Variants in ACVR2B observed in about 807,000 individuals in gnomAD.
ACVR2B encodes activin receptor type-2B.
Under a neutral mutation model 65.1 loss-of-function variants are expected in ACVR2B, and 18 were observed. The observed-to-expected ratio is 0.28, with a 90% CI of 0.19 to 0.41. The LOEUF is 0.41. Among genes scored for constraint, ACVR2B ranks in the 10% least tolerant of loss-of-function variants. The pLI, the probability that ACVR2B is intolerant of heterozygous loss-of-function variation, is 1.00. For synonymous variants in ACVR2B, 298 were observed against 277.7 expected, an observed-to-expected ratio of 1.07 and a Z score of -0.73; for missense variants, 482 against 682.7, an observed-to-expected ratio of 0.71 and a Z score of 3.28.
chr3:38,458,291 C>T (rs528977297), intron 1 of ACVR2B, among the ~76,000 whole-genome samples: 2 of 152,158 alleles, frequency 1.3e-5, no homozygotes, highest in East Asian at 1.9e-4. Context: ...ATGTCATAGA[C>T]CCCTCTGAGA....
At chr3:38,479,458 C>G (rs535131044) in intron 6 of ACVR2B, among the ~76,000 whole-genome samples, 187 bp downstream of exon 6, 1 of 152,310 alleles carries the variant, frequency 6.6e-6, no homozygotes, top group East Asian at 1.9e-4. Context: ...ATAGGAACCT[C>G]TCACCCTGGG....
In ACVR2B at chr3:38,490,766, AC is replaced by A. The variant is rs2059804435; in HGVS notation, c.*7437del. ...AGACTTTTAACGTACACATGCAGGA[AC>A]CCTGCTGAGCGTGGGCACTTGTTTT... On this transcript the variant is annotated 3_prime_UTR_variant, in exon 11 of 11. Transcript: ENST00000352511. 1 of 152,600 alleles carries A rather than the reference AC, an allele frequency of 6.6e-6. No individual in the cohort carries two copies. The highest frequency in any genetic ancestry group is 1.5e-5 in the Non-Finnish European group (1 of 68,046). 9.5% of individuals were successfully genotyped at this position (152,600 alleles called of 1,614,324 possible). A position where few individuals can be genotyped will look rare whatever the true frequency, so the allele number is the denominator to read the frequency against.
intron 1 of ACVR2B, among the ~76,000 whole-genome samples, chr3:38,459,070 C>G (rs771175792): frequency 6.6e-6 from 1 of 152,198 alleles, no homozygotes; most frequent in African/African-American, 2.4e-5. Flanking sequence ...TTGGGAACCA[C>G]TGATCTAGAA....
rs1362221240 is a variant in ACVR2B, at chr3:38,483,423, AC to A, written c.*92del. The stretch of plus-strand genomic sequence containing the variant: ...TTGTTTTGGAAATCCCATAAAACCA[AC>A]AAACACATAAAATGCAGCTGCTATT... On this transcript the variant is annotated 3_prime_UTR_variant, in exon 11 of 11. Coordinates refer to ENST00000352511, the MANE Select transcript of ACVR2B (RefSeq NM_001106.4). This position sits in a 1 kb window ranked among gnomAD's most constrained non-coding sequence, Gnocchi z 4.8. 1.6e-6 allele frequency: 2 copies of A among 1,231,382 alleles called. No homozygotes were observed. Among genetic ancestry groups the A allele is most frequent in the African/African-American group, 1.5e-5 (1 of 67,666 alleles). The allele number at this position is 1,231,382 out of a possible 1,614,324, so 76.3% of individuals were successfully genotyped here. A position where few individuals can be genotyped will look rare whatever the true frequency, so the allele number is the denominator to read the frequency against.
intron 1 of ACVR2B, 126 bp downstream of exon 1, chr3:38,454,500 C>G: frequency 1.1e-6 from 1 of 876,070 alleles, no homozygotes; most frequent in Admixed American, 4.7e-5. Context: ...ATTCAGCCCT[C>G]ACCTCCGGGG....
chr3:38,485,494 A>G lies in ACVR2B; in HGVS notation c.*2162A>G, dbSNP rs1270528468. On this transcript the variant is annotated 3_prime_UTR_variant, in exon 11 of 11. Coordinates refer to ENST00000352511, the MANE Select transcript of ACVR2B (RefSeq NM_001106.4). ...TGCCTGGGCATCTACCTAGTGTGCT[A>G]TGTTCAGTGTCTGGGGCTTACTGCC... The G allele has an allele frequency of 2.0e-5, 3 of 151,968 alleles. No homozygotes were observed. Among genetic ancestry groups the G allele is most frequent in the Non-Finnish European group, 2.9e-5 (2 of 68,036 alleles). 9.4% of individuals were successfully genotyped at this position (151,968 alleles called of 1,614,324 possible). A position where few individuals can be genotyped will look rare whatever the true frequency, so the allele number is the denominator to read the frequency against.
In ACVR2B at chr3:38,482,340, A is replaced by G. The variant is rs752669674; in HGVS notation, c.1213+4A>G. On this transcript the variant is annotated splice_donor_region_variant and intron_variant, in intron 9 of 10. Coordinates refer to ENST00000352511, the MANE Select transcript of ACVR2B (RefSeq NM_001106.4). Reference sequence around the variant, plus strand: ...TCTCGCTGCAAGGCTGCAGACGGTAAGTAGGATGGCAGCCCTGGGCATCCT... The same window carrying G: ...TCTCGCTGCAAGGCTGCAGACGGTAGGTAGGATGGCAGCCCTGGGCATCCT... 2 of 1,610,432 alleles carry G rather than the reference A, an allele frequency of 1.2e-6. No individual in the cohort carries two copies.
chr3:38,473,484 G>A (rs535767545), intron 1 of ACVR2B: 1 of 152,568 alleles, frequency 6.6e-6, no homozygotes, highest in African/African-American at 2.4e-5. Flanking sequence ...AGTATTGCCA[G>A]AGGCTATAAA....
At chr3:38,460,364 G>A (rs774217183) in intron 1 of ACVR2B, among the ~76,000 whole-genome samples, 1 of 152,134 alleles carries the variant, frequency 6.6e-6, no homozygotes, top group Non-Finnish European at 1.5e-5. Context: ...TTTTCTGGTG[G>A]TGGAAATGCT....
chr3:38,462,394 A>C (rs976294062), intron 1 of ACVR2B, among the ~76,000 whole-genome samples: 1 of 152,112 alleles, frequency 6.6e-6, no homozygotes, highest in South Asian at 2.1e-4. Context: ...AGAATCAGAA[A>C]TTTTCCAGCC....
At position 38,492,533 on chromosome 3, in the gene ACVR2B, T is replaced by G; in HGVS notation, c.*9201T>G. On this transcript the variant is annotated 3_prime_UTR_variant, in exon 11 of 11. Transcript: ENST00000352511. Reference sequence around the variant, plus strand: ...TTTGTATACCAGGATATGTGAGATGTAAATGTAGTAGGTCACTTTTCACCC... The same window carrying G: ...TTTGTATACCAGGATATGTGAGATGGAAATGTAGTAGGTCACTTTTCACCC... 1 of 152,150 alleles carries G rather than the reference T, an allele frequency of 6.6e-6. No homozygotes were observed. The highest frequency in any genetic ancestry group is 1.5e-5 in the Non-Finnish European group (1 of 67,990). The allele number at this position is 152,150 out of a possible 1,614,324, so 9.4% of individuals were successfully genotyped here. A position where few individuals can be genotyped will look rare whatever the true frequency, so the allele number is the denominator to read the frequency against.
intron 7 of ACVR2B, among the ~76,000 whole-genome samples, chr3:38,480,642 G>A (rs1205707137): frequency 6.6e-6 from 1 of 152,244 alleles, no homozygotes; most frequent in Non-Finnish European, 1.5e-5. Flanking sequence ...GGTAATAACA[G>A]TAATGACATA....
chr3:38,477,529 C>G lies in ACVR2B; in HGVS notation c.260+35C>G. 1 of 1,603,042 alleles carries G rather than the reference C, an allele frequency of 6.2e-7. No homozygotes were observed. The highest frequency in any genetic ancestry group is 1.1e-5 in the South Asian group (1 of 89,614). ...GACTTGCCCTCCTTTCCTCTTGGAC[C>G]CACCTGCGCTTATACTGCCCACTGG... On this transcript the variant is annotated intron_variant, in intron 2 of 10. Coordinates refer to ENST00000352511, the MANE Select transcript of ACVR2B (RefSeq NM_001106.4). This position sits in a 1 kb window ranked among gnomAD's most constrained non-coding sequence, Gnocchi z 6.7.
chr3:38,473,601 T>G (rs981810917), intron 1 of ACVR2B: 2 of 152,372 alleles, frequency 1.3e-5, no homozygotes, highest in African/African-American at 4.8e-5. Flanking sequence ...GGGCATGGGC[T>G]CTGAACATAA....
In ACVR2B at chr3:38,453,964, C is replaced by A. The variant is rs1309459364; in HGVS notation, c.-359C>A. The A allele has an allele frequency of 1.4e-5, 2 of 147,882 alleles. No individual in the cohort carries two copies. Among genetic ancestry groups the A allele is most frequent in the Admixed American group, 1.3e-4 (2 of 15,008 alleles). 9.2% of individuals were successfully genotyped at this position (147,882 alleles called of 1,614,324 possible). Reference sequence around the variant, plus strand: ...CTCCCCTCCCCCCCACCCCTCCCCCCGTTCATGGCCCCTCCGGACTCGGCC... The same window carrying A: ...CTCCCCTCCCCCCCACCCCTCCCCCAGTTCATGGCCCCTCCGGACTCGGCC... On this transcript the variant is annotated 5_prime_UTR_variant, in exon 1 of 11. Coordinates refer to ENST00000352511, the MANE Select transcript of ACVR2B (RefSeq NM_001106.4).
rs1185037436 is a variant in ACVR2B at position 38,484,488 on chromosome 3, TTACTG to T, written c.*1158_*1162del. 1 of 152,226 alleles carries T rather than the reference TTACTG, an allele frequency of 6.6e-6. No individual in the cohort carries two copies. The highest frequency in any genetic ancestry group is 2.4e-5 in the African/African-American group (1 of 41,454). 9.4% of individuals were successfully genotyped at this position (152,226 alleles called of 1,614,324 possible). A position where few individuals can be genotyped will look rare whatever the true frequency, so the allele number is the denominator to read the frequency against. ...TCTGGTTCCGCCCCAGGTGGTGACATTACTGTCCCCGTTCTGTGGCTCGTGGACAA... is the reference window on the plus strand; with the variant it reads ...TCTGGTTCCGCCCCAGGTGGTGACATTCCCCGTTCTGTGGCTCGTGGACAA... On this transcript the variant is annotated 3_prime_UTR_variant, in exon 11 of 11. Transcript: ENST00000352511.
At chr3:38,478,074 T>C (rs1341312556) in intron 3 of ACVR2B, 67 bp from the exon 4 acceptor site, 18 of 1,599,000 alleles carry the variant, frequency 1.1e-5, no homozygotes, top group Admixed American at 3.3e-5. Context: ...TACAGGGCCC[T>C]GTAGTCTGGC....
At chr3:38,464,094 C>T (rs1366676262) in intron 1 of ACVR2B, among the ~76,000 whole-genome samples, 1 of 152,168 alleles carries the variant, frequency 6.6e-6, no homozygotes, top group Non-Finnish European at 1.5e-5. Flanking sequence ...TGCACCAACC[C>T]AATAGTCACA....
chr3:38,458,141 C>T (rs1298896498), intron 1 of ACVR2B, among the ~76,000 whole-genome samples: 1 of 152,140 alleles, frequency 6.6e-6, no homozygotes, highest in Non-Finnish European at 1.5e-5. Flanking sequence ...CTTGGGTGGG[C>T]CTCTACTGTG....
Sources: allele counts gnomAD v4.1 joint callset (sites outside exome capture counted in the v4.1 genomes callset), GRCh38; gene constraint gnomAD v4.1.1; non-coding constraint Gnocchi (gnomAD v3.1); transcripts MANE v1.5; gene names NCBI Gene and HGNC (gene_info 2026-07-23, HGNC 2026-07-21).